TEK: variants seen among roughly 807,000 people sequenced by gnomAD.
TEK encodes TEK receptor tyrosine kinase, also known as angiopoietin-1 receptor.
In TEK, 43 loss-of-function variants were observed where a neutral mutation model predicts 131.8. That is an observed-to-expected ratio of 0.33 (90% CI 0.26 to 0.42). The LOEUF is 0.42. TEK is among the 10% of genes least tolerant of loss of function. The pLI is 1.00. For missense variants in TEK, 1,162 were observed against 1,384.4 expected, an observed-to-expected ratio of 0.84 and a Z score of 2.55; for synonymous variants, 580 against 491.6, an observed-to-expected ratio of 1.18 and a Z score of -2.38.
At chr9:27,151,154 C>G (rs1823113831) in intron 1 of TEK, among the ~76,000 whole-genome samples, 1 of 152,136 alleles carries the variant, frequency 6.6e-6, no homozygotes, top group Non-Finnish European at 1.5e-5. Context: ...TGCCCAATAT[C>G]TTCTTGGAAG....
At position 27,109,507 on chromosome 9, in the gene TEK, A is replaced by C; in HGVS notation, c.-84A>C. 4 of 1,420,108 alleles carry C rather than the reference A, an allele frequency of 2.8e-6. No homozygotes were observed. The highest frequency in any genetic ancestry group is 4.0e-6 in the Non-Finnish European group (4 of 1,003,390). The allele number at this position is 1,420,108 out of a possible 1,614,324, so 88.0% of individuals were successfully genotyped here. ...GACGTAGTAGGACGATGCTAATGGA[A>C]AGTCACAAACCGCTGGGTTTTTGAA... On this transcript the variant is annotated 5_prime_UTR_variant, in exon 1 of 23. Coordinates refer to ENST00000380036, the MANE Select transcript of TEK (RefSeq NM_000459.5).
At chr9:27,177,641 T>C (rs1331726941) in intron 6 of TEK, among the ~76,000 whole-genome samples, 1 of 152,082 alleles carries the variant, frequency 6.6e-6, no homozygotes, top group East Asian at 1.9e-4. Flanking sequence ...TCCCAGCTAC[T>C]TGGGGGGCTG....
chr9:27,120,029 T>C (rs1199372005), intron 1 of TEK, among the ~76,000 whole-genome samples: 2 of 152,254 alleles, frequency 1.3e-5, no homozygotes, highest in Non-Finnish European at 2.9e-5. Flanking sequence ...CCCTTGCATC[T>C]GGAAAGGATG....
intron 1 of TEK, among the ~76,000 whole-genome samples, chr9:27,115,940 G>A (rs2131030758): frequency 6.6e-6 from 1 of 152,310 alleles, no homozygotes; most frequent in Middle Eastern, 3.4e-3. Context: ...CAGAGTGTTT[G>A]TTCTATCATG....
chr9:27,119,144 C>T (rs577982176), intron 1 of TEK, among the ~76,000 whole-genome samples: 2 of 152,230 alleles, frequency 1.3e-5, no homozygotes, highest in Admixed American at 1.3e-4. Context: ...CCACATGTCT[C>T]AGTAGGAAAT....
intron 9 of TEK, among the ~76,000 whole-genome samples, chr9:27,189,083 C>A (rs184473604): frequency 6.6e-6 from 1 of 152,096 alleles, no homozygotes; most frequent in African/African-American, 2.4e-5. Flanking sequence ...CCTCTGAAAT[C>A]TGAAAGGTTC....
At position 27,228,236 on chromosome 9, in the gene TEK, G is replaced by A. The variant is rs1432185855; in HGVS notation, c.3231G>A (p.Glu1077=). 6.2e-7 allele frequency: 1 copy of A among 1,612,936 alleles called. No homozygotes were observed. Among genetic ancestry groups the A allele is most frequent in the East Asian group, 2.2e-5 (1 of 44,874 alleles). The part of the protein sequence containing the change: ...VYDLMRQCWR[E]KPYERPSFAQ... Reference sequence around the variant, plus strand: ...ATCTAATGAGACAATGCTGGCGGGAGAAGCCTTATGAGAGGCCATCATTTG... The same window carrying A: ...ATCTAATGAGACAATGCTGGCGGGAAAAGCCTTATGAGAGGCCATCATTTG... Residue 1077 remains glutamate (E), a synonymous_variant, in exon 22 of 23, where the codon GAG becomes GAA. Coordinates refer to ENST00000380036, the MANE Select transcript of TEK (RefSeq NM_000459.5).
intron 1 of TEK, among the ~76,000 whole-genome samples, chr9:27,121,025 A>AT (rs1359397666): frequency 6.6e-6 from 1 of 152,238 alleles, no homozygotes; most frequent in African/African-American, 2.4e-5. Context: ...AAATGCTTTA[A>AT]TAAATAGCTT....
At chr9:27,219,058 C>G (rs761958660) in intron 20 of TEK, among the ~76,000 whole-genome samples, 1 of 109,110 alleles carries the variant, frequency 9.2e-6, no homozygotes, top group African/African-American at 4.0e-5. Context: ...TTAATTGGCT[C>G]CGCTTGTACA....
chr9:27,221,894 C>T (rs549714341), intron 21 of TEK, among the ~76,000 whole-genome samples: 2 of 152,286 alleles, frequency 1.3e-5, no homozygotes, highest in African/African-American at 4.8e-5. Flanking sequence ...ATGAGTTTGA[C>T]AAACTGACAG....
chr9:27,189,812 G>C (rs566003350), intron 9 of TEK, among the ~76,000 whole-genome samples: 1 of 152,014 alleles, frequency 6.6e-6, no homozygotes, highest in African/African-American at 2.4e-5. Context: ...TCTGACTTCT[G>C]ACTTCTAGAA....
chr9:27,209,275 AACAG>A (rs1564099665), intron 16 of TEK, 44 bp downstream of exon 16: 3 of 1,386,436 alleles, frequency 2.2e-6, no homozygotes, highest in South Asian at 1.2e-5. Context: ...GTTTTTATAA[AACAG>A]ACAAATTCCA....
chr9:27,228,114 T>C, intron 21 of TEK, 92 bp from the exon 22 acceptor site: 1 of 1,039,540 alleles, frequency 9.6e-7, no homozygotes, highest in Non-Finnish European at 1.5e-6. Flanking sequence ...TAACCATGCA[T>C]TGGGTGGCTT....
At chr9:27,224,932 C>T (rs1432214166) in intron 21 of TEK, among the ~76,000 whole-genome samples, 1 of 152,112 alleles carries the variant, frequency 6.6e-6, no homozygotes, top group African/African-American at 2.4e-5. Context: ...AATCAGTGTG[C>T]AAAAATCACA....
chr9:27,194,951 G>A (rs1203955875), intron 11 of TEK, among the ~76,000 whole-genome samples: 1 of 152,042 alleles, frequency 6.6e-6, no homozygotes, highest in African/African-American at 2.4e-5. Context: ...GGGTAATCAT[G>A]TTCCCAAAGG....
intron 1 of TEK, among the ~76,000 whole-genome samples, chr9:27,157,239 G>A (rs1375486556): frequency 1.3e-5 from 2 of 152,088 alleles, no homozygotes; most frequent in African/African-American, 2.4e-5. Flanking sequence ...TGGTTGGCAA[G>A]TTATGTATTT....
intron 1 of TEK, among the ~76,000 whole-genome samples, chr9:27,118,361 G>A (rs1238990565): frequency 6.6e-6 from 1 of 152,176 alleles, no homozygotes; most frequent in East Asian, 1.9e-4. Context: ...CCAGCCAGGT[G>A]TGGTGGCTCG....
chr9:27,157,114 T>C (rs1823362029), intron 1 of TEK, among the ~76,000 whole-genome samples: 1 of 152,212 alleles, frequency 6.6e-6, no homozygotes, highest in Admixed American at 6.5e-5. Context: ...GGGTAAGGTT[T>C]TGTTTTTGTT....
intron 6 of TEK, 27 bp downstream of exon 6, chr9:27,173,389 G>C: frequency 6.2e-7 from 1 of 1,613,510 alleles, no homozygotes. Flanking sequence ...CCCTTGGACA[G>C]AGGATGTTCT....
Sources: gnomAD v4.1 joint callset for allele counts (sites outside exome capture counted in the v4.1 genomes callset) on GRCh38, gnomAD v4.1.1 for gene constraint, MANE v1.5 for transcripts, NCBI Gene and HGNC (gene_info 2026-07-23, HGNC 2026-07-21) for gene names.